The following GPR55 variants were observed in gnomAD, a reference collection of about 807,000 sequenced individuals.
The protein encoded by GPR55 is G protein-coupled receptor 55.
GPR55 carries 6 observed loss-of-function variants against 7.9 expected under a neutral mutation model. The ratio of observed to expected loss-of-function variants is 0.76; its 90% CI spans 0.41 to 1.49. The LOEUF is 1.49. Ranked by LOEUF, GPR55 falls within the 40% of genes most tolerant of loss-of-function variation. The pLI, the probability that GPR55 is intolerant of heterozygous loss-of-function variation, is 0.01. For synonymous variants in GPR55, 183 were observed against 166.8 expected, an observed-to-expected ratio of 1.10 and a Z score of -0.75; for missense variants, 376 against 406.0, an observed-to-expected ratio of 0.93 and a Z score of 0.63.
intron 1 of GPR55, among the ~76,000 whole-genome samples, chr2:230,937,059 A>G (rs1465851276): frequency 6.6e-6 from 1 of 152,132 alleles, no homozygotes; most frequent in Non-Finnish European, 1.5e-5. Context: ...TCCTTGAATA[A>G]AATGATTCTG....
At chr2:230,947,488 G>A (rs950080785) in intron 1 of GPR55, among the ~76,000 whole-genome samples, 4 of 151,602 alleles carry the variant, frequency 2.6e-5, no homozygotes, top group Admixed American at 6.6e-5. Flanking sequence ...AGTGTCTGTT[G>A]GTCAACTTTA....
Position 230,910,736 on chromosome 2 carries a change from G to C in GPR55, c.227C>G (p.Ser76Cys). ...GGACAGGACCATCTTGAATGGGAGG[G>C]AGAGCACCAGCAGCAGGTCAAAGAC... ...LAVFDLLLVL[S>C]LPFKMVLSQV... The change falls in exon 2 of 2, where the codon TCC (serine) becomes TGC (cysteine). Residue 76 changes from serine (S) to cysteine (C), a missense_variant. Coordinates refer to ENST00000650999, the MANE Select transcript of GPR55 (RefSeq NM_005683.4). The surrounding 1 kb of genome is among the most constrained non-coding windows in gnomAD (Gnocchi z 5.4). 1.2e-6 allele frequency: 2 copies of C among 1,614,096 alleles called. No homozygotes were observed. Among genetic ancestry groups the C allele is most frequent in the Non-Finnish European group, 1.7e-6 (2 of 1,179,934 alleles).
chr2:230,909,965 G>T lies in GPR55; in HGVS notation c.*38C>A. On this transcript the variant is annotated 3_prime_UTR_variant, in exon 2 of 2. Transcript: ENST00000650999. Reference sequence around the variant, plus strand: ...CGCGATATCCGTTACCAGAATTCAGGGCCAGGGCTTTCTTCCCCTGAACAG... The same window carrying T: ...CGCGATATCCGTTACCAGAATTCAGTGCCAGGGCTTTCTTCCCCTGAACAG... 3.8e-6 allele frequency: 6 copies of T among 1,582,934 alleles called. No individual in the cohort carries two copies. Among genetic ancestry groups the T allele is most frequent in the South Asian group, 1.2e-5 (1 of 86,218 alleles).
chr2:230,930,010 C>G (rs1334729913), upstream of GPR55: 1 of 152,346 alleles, frequency 6.6e-6, no homozygotes, highest in African/African-American at 2.4e-5. Context: ...ACCCTGGCAA[C>G]AGCTTCCCAG....
intron 1 of GPR55, among the ~76,000 whole-genome samples, chr2:230,932,282 A>G (rs973721453): frequency 6.6e-6 from 1 of 152,238 alleles, no homozygotes; most frequent in African/African-American, 2.4e-5. Context: ...AATTCACAAG[A>G]TTAAAAACTC....
chr2:230,951,750 AT>A (rs1691406329), intron 1 of GPR55, among the ~76,000 whole-genome samples: 1 of 97,326 alleles, frequency 1.0e-5, no homozygotes, highest in South Asian at 3.1e-4. Context: ...TTTTGTTGTT[AT>A]TGGGGTTTTT....
intron 1 of GPR55, chr2:230,957,742 T>C: frequency 1.8e-6 from 1 of 551,644 alleles, no homozygotes; most frequent in South Asian, 1.4e-5. Context: ...GACTTTTTTT[T>C]TGTTAACTAG....
intron 1 of GPR55, among the ~76,000 whole-genome samples, chr2:230,946,231 GGGAGAT>G (rs1328883102): frequency 2.0e-5 from 3 of 152,190 alleles, no homozygotes; most frequent in African/African-American, 7.2e-5. Context: ...GTGTGGAAGG[GGGAGAT>G]GTTGGTCAAA....
At chr2:230,939,688 G>A (rs984881680) in intron 1 of GPR55, among the ~76,000 whole-genome samples, 2 of 152,192 alleles carry the variant, frequency 1.3e-5, no homozygotes, top group African/African-American at 4.8e-5. Context: ...ACTGGAGAAG[G>A]GGGAGAGCCT....
intron 1 of GPR55, among the ~76,000 whole-genome samples, chr2:230,913,097 T>C (rs1173070315): frequency 6.6e-6 from 1 of 152,244 alleles, no homozygotes; most frequent in Non-Finnish European, 1.5e-5. Context: ...TCAGCATATA[T>C]GAATGGCTTG....
rs191719070 is a variant in GPR55 at position 230,911,057 on chromosome 2, C to T, written c.-95G>A. The T allele has an allele frequency of 2.4e-6, 3 of 1,266,144 alleles. No individual in the cohort carries two copies. The East Asian group carries it at 7.0e-5, about 30-fold the overall frequency. The allele number at this position is 1,266,144 out of a possible 1,614,324, so 78.4% of individuals were successfully genotyped here. A position where few individuals can be genotyped will look rare whatever the true frequency, so the allele number is the denominator to read the frequency against. On this transcript the variant is annotated 5_prime_UTR_variant, in exon 2 of 2. Coordinates refer to ENST00000650999, the MANE Select transcript of GPR55 (RefSeq NM_005683.4). ...ACTTTGTCAAGAATCACAAACACCTCCCCAGCATCACACAGCAATTCATGC... is the reference window on the plus strand; with the variant it reads ...ACTTTGTCAAGAATCACAAACACCTTCCCAGCATCACACAGCAATTCATGC...
At chr2:230,954,099 G>A (rs1691443693) in intron 1 of GPR55, among the ~76,000 whole-genome samples, 1 of 152,234 alleles carries the variant, frequency 6.6e-6, no homozygotes, top group South Asian at 2.1e-4. Context: ...TCGTAACAGA[G>A]GGCTTCTGAG....
intron 1 of GPR55, among the ~76,000 whole-genome samples, chr2:230,934,349 C>T (rs1480932097): frequency 3.3e-5 from 5 of 152,202 alleles, no homozygotes; most frequent in South Asian, 2.1e-4. Flanking sequence ...TTCTGGTCCC[C>T]GGCCTCTCTC....
Position 230,910,452 on chromosome 2 carries a change from T to C in GPR55, c.511A>G (p.Asn171Asp). 2 of 1,613,678 alleles carry C rather than the reference T, an allele frequency of 1.2e-6. No homozygotes were observed. Among genetic ancestry groups the C allele is most frequent in the South Asian group, 2.2e-5 (2 of 91,066 alleles). Residue 171 changes from asparagine to aspartate, a missense_variant, in exon 2 of 2, where the codon AAC (asparagine) becomes GAC (aspartate). Physicochemically the swap from Asn to Asp is conservative, Grantham distance 23. Coordinates refer to ENST00000650999, the MANE Select transcript of GPR55 (RefSeq NM_005683.4). This position sits in a 1 kb window ranked among gnomAD's most constrained non-coding sequence, Gnocchi z 5.4. ...GKVEKYMCFH[N>D]MSDDTWSAKV... Reference sequence around the variant, plus strand: ...GCGCTCCAGGTATCATCAGACATGTTGTGGAAGCACATGTATTTTTCCACT... The same window carrying C: ...GCGCTCCAGGTATCATCAGACATGTCGTGGAAGCACATGTATTTTTCCACT...
At chr2:230,916,698 TG>T (rs1480407386) in intron 1 of GPR55, among the ~76,000 whole-genome samples, 1 of 151,994 alleles carries the variant, frequency 6.6e-6, no homozygotes. Context: ...ATTTCTATTC[TG>T]TTTTTTTTTT....
chr2:230,914,710 G>A (rs1690670154), intron 1 of GPR55, among the ~76,000 whole-genome samples: 1 of 152,184 alleles, frequency 6.6e-6, no homozygotes. Context: ...TGGGGTGTGG[G>A]GCCATTCCAT....
chr2:230,910,896 G>C lies in GPR55; in HGVS notation c.67C>G (p.Gln23Glu). 1 of 1,613,856 alleles carries C rather than the reference G, an allele frequency of 6.2e-7. No homozygotes were observed. The highest frequency in any genetic ancestry group is 1.3e-5 in the African/African-American group (1 of 75,054). The change falls in exon 2 of 2, where the codon CAG becomes GAG. Residue 23 changes from glutamine to glutamate, a missense_variant. Gln to Glu is a conservative substitution (Grantham distance 29). Transcript: ENST00000650999. The surrounding 1 kb of genome is among the most constrained non-coding windows in gnomAD (Gnocchi z 5.4). The part of the protein sequence containing the change: ...DGVNELMKTL[Q>E]FAVHIPTFVL... ...AAGGTGGGGATGTGGACTGCAAACT[G>C]TAGGGTTTTCATCAGCTCGTTGACA...
intron 1 of GPR55, among the ~76,000 whole-genome samples, chr2:230,952,540 C>T (rs1189899283): frequency 6.6e-6 from 1 of 152,224 alleles, no homozygotes; most frequent in East Asian, 1.9e-4. Flanking sequence ...ACCTCTACAG[C>T]CTCTGCTTTT....
intron 1 of GPR55, among the ~76,000 whole-genome samples, chr2:230,915,532 T>G (rs1690689205): frequency 6.6e-6 from 1 of 152,038 alleles, no homozygotes. Context: ...CCCAAACCAT[T>G]GTGAGTCAAC....
Sources: allele counts gnomAD v4.1 joint callset (sites outside exome capture counted in the v4.1 genomes callset), GRCh38; gene constraint gnomAD v4.1.1; non-coding constraint Gnocchi (gnomAD v3.1); transcripts MANE v1.5; gene names NCBI Gene and HGNC (gene_info 2026-07-23, HGNC 2026-07-21).